The following CDK19 variants were observed in gnomAD, a reference collection of about 807,000 sequenced individuals.
The protein encoded by CDK19 is cyclin dependent kinase 19.
CDK19 carries 20 observed loss-of-function variants against 68.3 expected under a neutral mutation model. The ratio of observed to expected loss-of-function variants is 0.29; its 90% CI spans 0.21 to 0.43. The LOEUF (loss-of-function observed/expected upper bound fraction) is 0.43, where lower values mean the gene tolerates loss of function less well. Ranked by LOEUF, CDK19 falls within the 20% of genes least tolerant of loss-of-function variation. CDK19 has a pLI of 1.00. For synonymous variants in CDK19, 221 were observed against 222.8 expected, an observed-to-expected ratio of 0.99 and a Z score of 0.07; for missense variants, 339 against 623.5, an observed-to-expected ratio of 0.54 and a Z score of 4.86.
At chr6:110,703,990 T>C (rs1774225959) in intron 2 of CDK19, among the ~76,000 whole-genome samples, 1 of 152,244 alleles carries the variant, frequency 6.6e-6, no homozygotes, top group African/African-American at 2.4e-5. Flanking sequence ...TAATAAATTT[T>C]TAAAATGCTA....
chr6:110,657,152 A>G (rs191043273), intron 4 of CDK19, among the ~76,000 whole-genome samples: 2 of 152,324 alleles, frequency 1.3e-5, no homozygotes, highest in East Asian at 3.9e-4. Flanking sequence ...AACTTGACCA[A>G]GTTCACTCTG....
chr6:110,670,308 T>C (rs1770889262), intron 3 of CDK19, 123 bp downstream of exon 3: 2 of 516,884 alleles, frequency 3.9e-6, no homozygotes, highest in Non-Finnish European at 6.9e-6. Context: ...ATGTTTATAT[T>C]GACTTTGAAA....
rs575351092 is a variant in CDK19 at position 110,610,221 on chromosome 6, G to A, written c.*4314C>T. On this transcript the variant is annotated 3_prime_UTR_variant, in exon 13 of 13. Transcript: ENST00000368911. Reference sequence around the variant, plus strand: ...TCATCTCTATAACCATATAAAGGGGGATGCGTGCAGAAAATGACTGAAAAA... The same window carrying A: ...TCATCTCTATAACCATATAAAGGGGAATGCGTGCAGAAAATGACTGAAAAA... 6.6e-6 allele frequency: 1 copy of A among 152,482 alleles called. No individual in the cohort carries two copies. Among genetic ancestry groups the A allele is most frequent in the African/African-American group, 2.4e-5 (1 of 41,412 alleles). 9.4% of individuals were successfully genotyped at this position (152,482 alleles called of 1,614,324 possible). A position where few individuals can be genotyped will look rare whatever the true frequency, so the allele number is the denominator to read the frequency against.
chr6:110,646,211 G>C, intron 4 of CDK19: 1 of 1,414,288 alleles, frequency 7.1e-7, no homozygotes, highest in Non-Finnish European at 9.5e-7. Context: ...GCAACTCGTC[G>C]GGGTCCGACG....
chr6:110,774,234 A>G (rs1365406059), intron 1 of CDK19, among the ~76,000 whole-genome samples: 1 of 152,236 alleles, frequency 6.6e-6, no homozygotes, highest in Admixed American at 6.5e-5. Context: ...ATGAATTTAT[A>G]TACACTGAAA....
chr6:110,627,372 C>A (rs140364381), intron 6 of CDK19, among the ~76,000 whole-genome samples: 1 of 151,906 alleles, frequency 6.6e-6, no homozygotes, highest in Admixed American at 6.5e-5. Flanking sequence ...ATATACATGA[C>A]ATGAAATAGC....
intron 1 of CDK19, among the ~76,000 whole-genome samples, chr6:110,798,414 C>T (rs1782099910): frequency 6.6e-6 from 1 of 152,072 alleles, no homozygotes; most frequent in Non-Finnish European, 1.5e-5. Flanking sequence ...CACCAGAGGT[C>T]AGGAGTTTGA....
In CDK19 at chr6:110,616,369, A is replaced by G. The variant is rs564676932; in HGVS notation, c.1378-1703T>C. On this transcript the variant is annotated intron_variant, in intron 12 of 12. Coordinates refer to ENST00000368911, the MANE Select transcript of CDK19 (RefSeq NM_015076.5). ...ACAGGGCACTAAGGTAGTTTTGGTT[A>G]AAAACAACTCAGTTGTGGCTAGGCA... 4.6e-5 allele frequency among the ~76,000 whole-genome samples: 7 copies of G among 152,252 alleles called. No homozygotes were observed. The South Asian group carries it at 1.5e-3, about 32-fold the overall frequency.
At position 110,709,576 on chromosome 6, in the gene CDK19, G is replaced by C. The variant is rs185817751; in HGVS notation, c.204+36550C>G. Among the ~76,000 whole-genome samples, 53 of 151,560 alleles carry C rather than the reference G, an allele frequency of 3.5e-4. 1 individual carries two copies. The East Asian group carries it at 9.9e-3, about 28-fold the overall frequency. On this transcript the variant is annotated intron_variant, in intron 2 of 12. Transcript: ENST00000368911. ...TGTAATAAGCAAGAAATAGCAAACT[G>C]TTACAAATTTATTATGTAAATAGCA... is the stretch of plus-strand genomic sequence containing the variant.
chr6:110,720,951 T>C (rs995603477), intron 2 of CDK19, among the ~76,000 whole-genome samples: 1 of 151,968 alleles, frequency 6.6e-6, no homozygotes, highest in African/African-American at 2.4e-5. Flanking sequence ...AAAACCTTGA[T>C]TTGGGGTCAG....
At chr6:110,788,955 C>T (rs549656586) in intron 1 of CDK19, among the ~76,000 whole-genome samples, 3 of 152,190 alleles carry the variant, frequency 2.0e-5, no homozygotes, top group South Asian at 2.1e-4. Context: ...TACAGTATTC[C>T]ACTTAACATG....
At chr6:110,673,422 C>T (rs1771185076) in intron 2 of CDK19, among the ~76,000 whole-genome samples, 2 of 152,136 alleles carry the variant, frequency 1.3e-5, no homozygotes, top group Non-Finnish European at 1.5e-5. Flanking sequence ...GTATAAATAA[C>T]TATTTGAATC....
intron 1 of CDK19, among the ~76,000 whole-genome samples, chr6:110,789,435 C>A (rs144691078): frequency 1.3e-5 from 2 of 152,120 alleles, no homozygotes; most frequent in Non-Finnish European, 2.9e-5. Flanking sequence ...TGCACCACCA[C>A]GCCCAGCTAA....
intron 2 of CDK19, among the ~76,000 whole-genome samples, chr6:110,681,801 G>A (rs1280787475): frequency 1.3e-5 from 2 of 152,168 alleles, no homozygotes; most frequent in Non-Finnish European, 2.9e-5. Context: ...TTCCATGCCA[G>A]ATACTCACAG....
chr6:110,776,766 T>A (rs2115015259), intron 1 of CDK19, among the ~76,000 whole-genome samples: 1 of 152,326 alleles, frequency 6.6e-6, no homozygotes, highest in South Asian at 2.1e-4. Flanking sequence ...TACTTGAATA[T>A]TACATATAAT....
intron 2 of CDK19, among the ~76,000 whole-genome samples, chr6:110,724,032 T>C (rs1208873250): frequency 3.5e-5 from 5 of 143,218 alleles, no homozygotes; most frequent in Non-Finnish European, 6.1e-5. Flanking sequence ...AAAAAAAAAC[T>C]AGTTTAAAAG....
chr6:110,676,761 T>C (rs1296348835), intron 2 of CDK19, among the ~76,000 whole-genome samples: 2 of 152,244 alleles, frequency 1.3e-5, no homozygotes, highest in Non-Finnish European at 2.9e-5. Flanking sequence ...TAGCAGTGTA[T>C]ATTTATACTG....
chr6:110,614,519 G>C lies in CDK19; in HGVS notation c.*16C>G. The C allele has an allele frequency of 6.2e-7, 1 of 1,612,440 alleles. No individual in the cohort carries two copies. Among genetic ancestry groups the C allele is most frequent in the African/African-American group, 1.3e-5 (1 of 74,994 alleles). ...CTGTGCTCTGGGCTGGGCTGGCCTGGCCCAACGGGAGCTGGTCAGTACCGG... is the reference window on the plus strand; with the variant it reads ...CTGTGCTCTGGGCTGGGCTGGCCTGCCCCAACGGGAGCTGGTCAGTACCGG... On this transcript the variant is annotated 3_prime_UTR_variant, in exon 13 of 13. Coordinates refer to ENST00000368911, the MANE Select transcript of CDK19 (RefSeq NM_015076.5).
intron 1 of CDK19, among the ~76,000 whole-genome samples, chr6:110,781,871 C>T (rs1263320466): frequency 6.6e-6 from 1 of 150,804 alleles, no homozygotes; most frequent in African/African-American, 2.4e-5. Flanking sequence ...TTCAGAGATA[C>T]AATCAGCTCT....
Sources: gnomAD v4.1 joint callset for allele counts (sites outside exome capture counted in the v4.1 genomes callset) on GRCh38, gnomAD v4.1.1 for gene constraint, MANE v1.5 for transcripts, NCBI Gene and HGNC (gene_info 2026-07-23, HGNC 2026-07-21) for gene names.